The following MTF2 variants were observed in gnomAD, a reference collection of about 807,000 sequenced individuals.
The protein encoded by MTF2 is metal-response element-binding transcription factor 2.
In MTF2, 11 loss-of-function variants were observed where a neutral mutation model predicts 79.5. The ratio of observed to expected loss-of-function variants is 0.14; its 90% CI spans 0.09 to 0.23. The LOEUF is 0.23. Among genes scored for constraint, MTF2 ranks in the 10% least tolerant of loss-of-function variants. The pLI is 1.00. For synonymous variants in MTF2, 208 were observed against 232.8 expected, an observed-to-expected ratio of 0.89 and a Z score of 0.97; for missense variants, 486 against 711.2, an observed-to-expected ratio of 0.68 and a Z score of 3.60.
At chr1:93,110,181 A>T in intron 1 of MTF2, 49 bp from the exon 2 acceptor site, 1 of 1,532,188 alleles carries the variant, frequency 6.5e-7, no homozygotes, top group Non-Finnish European at 9.0e-7. Flanking sequence ...CTGGTATAAA[A>T]TAAGCTCTAC....
Position 93,137,227 on chromosome 1 carries a change from G to A in MTF2, c.*200G>A, listed in dbSNP as rs1647439584. On this transcript the variant is annotated 3_prime_UTR_variant, in exon 15 of 15. Coordinates refer to ENST00000370298, the MANE Select transcript of MTF2 (RefSeq NM_007358.4). ...ATAAAAAGGTATCTTTTAAAAATCAGAACAGAGACTTAATTTTTTAAATCT... is the reference window on the plus strand; with the variant it reads ...ATAAAAAGGTATCTTTTAAAAATCAAAACAGAGACTTAATTTTTTAAATCT... 1 of 440,248 alleles carries A rather than the reference G, an allele frequency of 2.3e-6. No individual in the cohort carries two copies. Among genetic ancestry groups the A allele is most frequent in the African/African-American group, 2.0e-5 (1 of 50,524 alleles). 27.3% of individuals were successfully genotyped at this position (440,248 alleles called of 1,614,324 possible). A position where few individuals can be genotyped will look rare whatever the true frequency, so the allele number is the denominator to read the frequency against.
At chr1:93,110,753 GT>G in intron 3 of MTF2, 127 bp downstream of exon 3, 1 of 746,048 alleles carries the variant, frequency 1.3e-6, no homozygotes, top group Non-Finnish European at 2.2e-6. Flanking sequence ...CCTAGGAGAG[GT>G]TAAAAAATCA....
rs1487382211 is a variant in MTF2 at position 93,086,460 on chromosome 1, C to G, written c.5+6929C>G. Among the ~76,000 whole-genome samples the G allele has an allele frequency of 1.4e-5, 2 of 139,394 alleles. 1 individual carries two copies. The highest frequency in any genetic ancestry group is 5.3e-5 in the African/African-American group (2 of 37,746). 91.4% of individuals were successfully genotyped at this position (139,394 alleles called of 152,430 possible). Reference sequence around the variant, plus strand: ...GCTGCAGTGAGCTGAGATTGCACCACTGCACTCCATCCTGGGTGACAGAGC... The same window carrying G: ...GCTGCAGTGAGCTGAGATTGCACCAGTGCACTCCATCCTGGGTGACAGAGC... On this transcript the variant is annotated intron_variant, in intron 1 of 14. Transcript: ENST00000370298.
At chr1:93,082,860 C>T (rs1654664631) in intron 1 of MTF2, among the ~76,000 whole-genome samples, 1 of 152,122 alleles carries the variant, frequency 6.6e-6, no homozygotes, top group Non-Finnish European at 1.5e-5. Context: ...AACAGTCAGT[C>T]CCCTTCACCT....
At chr1:93,110,691 A>G in intron 3 of MTF2, 65 bp downstream of exon 3, 2 of 1,288,080 alleles carry the variant, frequency 1.6e-6, no homozygotes, top group South Asian at 1.2e-5. Context: ...AACTTGTCAT[A>G]TTATGATGTT....
intron 14 of MTF2, among the ~76,000 whole-genome samples, chr1:93,135,676 G>A (rs1398872607): frequency 1.3e-5 from 2 of 152,158 alleles, no homozygotes; most frequent in African/African-American, 4.8e-5. Flanking sequence ...ATCTGGGCGT[G>A]GTATTGGTGT....
intron 1 of MTF2, among the ~76,000 whole-genome samples, chr1:93,094,305 A>G (rs1279532862): frequency 6.6e-6 from 1 of 152,128 alleles, no homozygotes; most frequent in African/African-American, 2.4e-5. Context: ...TAATCACCCC[A>G]GGGTCAAAAG....
rs2101020005 is a variant in MTF2 at position 93,087,771 on chromosome 1, T to C, written c.5+8240T>C. Among the ~76,000 whole-genome samples the C allele has an allele frequency of 2.0e-5, 3 of 152,296 alleles. No individual in the cohort carries two copies. In the South Asian group the frequency reaches 6.2e-4, roughly 32 times the overall value. ...ATCTAGAATAACTTTGTCTCAGAAATAGTATCACTTAACTGGGGTTTACCA... is the reference window on the plus strand; with the variant it reads ...ATCTAGAATAACTTTGTCTCAGAAACAGTATCACTTAACTGGGGTTTACCA... On this transcript the variant is annotated intron_variant, in intron 1 of 14. Transcript: ENST00000370298.
chr1:93,118,784 T>A (rs1656352970), intron 7 of MTF2, among the ~76,000 whole-genome samples: 1 of 152,192 alleles, frequency 6.6e-6, no homozygotes, highest in Admixed American at 6.5e-5. Flanking sequence ...ATACTTTAGA[T>A]ATGAAAAATT....
At position 93,079,456 on chromosome 1, in the gene MTF2, G is replaced by C; in HGVS notation, c.-71G>C. ...GCCCAGTAAGTGCTCGGACTCGCAG[G>C]GGAAGCGCCCACGGGGACGGATTGG... is the stretch of plus-strand genomic sequence containing the variant. On this transcript the variant is annotated 5_prime_UTR_variant, in exon 1 of 15. Coordinates refer to ENST00000370298, the MANE Select transcript of MTF2 (RefSeq NM_007358.4). 1 of 1,608,258 alleles carries C rather than the reference G, an allele frequency of 6.2e-7. No individual in the cohort carries two copies. The highest frequency in any genetic ancestry group is 8.5e-7 in the Non-Finnish European group (1 of 1,175,506).
chr1:93,130,853 GT>G (rs145475647), intron 11 of MTF2, among the ~76,000 whole-genome samples: 115 of 152,176 alleles, frequency 7.6e-4, no homozygotes, highest in African/African-American at 2.6e-3. Flanking sequence ...CTGGTGGGTG[GT>G]TAATCAAGAT....
intron 1 of MTF2, among the ~76,000 whole-genome samples, chr1:93,087,579 A>T (rs566466511): frequency 6.6e-6 from 1 of 151,854 alleles, no homozygotes; most frequent in Non-Finnish European, 1.5e-5. Flanking sequence ...CTCAAAAAAA[A>T]AAAAAAGCCT....
intron 10 of MTF2, among the ~76,000 whole-genome samples, chr1:93,127,853 A>G (rs1656762453): frequency 6.6e-6 from 1 of 152,098 alleles, no homozygotes; most frequent in African/African-American, 2.4e-5. Flanking sequence ...TATACTAACA[A>G]GGATTCCCTT....
chr1:93,100,067 G>A (rs1655462689), intron 1 of MTF2, among the ~76,000 whole-genome samples: 1 of 152,122 alleles, frequency 6.6e-6, no homozygotes, highest in Non-Finnish European at 1.5e-5. Context: ...ATAGCAAGAA[G>A]TCAGATTTGA....
chr1:93,133,150 A>G (rs1467822108), intron 11 of MTF2, among the ~76,000 whole-genome samples: 3 of 152,074 alleles, frequency 2.0e-5, no homozygotes, highest in Non-Finnish European at 2.9e-5. Context: ...TTTCTCCTTT[A>G]CATTCTGCCA....
At chr1:93,134,663 T>A (rs1406309736) in intron 14 of MTF2, among the ~76,000 whole-genome samples, 8 of 152,098 alleles carry the variant, frequency 5.3e-5, no homozygotes, top group Non-Finnish European at 1.2e-4. Context: ...TGGCTGGGAC[T>A]ACAGATTGTG....
At chr1:93,091,122 A>G (rs1655059798) in intron 1 of MTF2, among the ~76,000 whole-genome samples, 2 of 152,148 alleles carry the variant, frequency 1.3e-5, no homozygotes, top group Non-Finnish European at 2.9e-5. Flanking sequence ...TCTAAACCCC[A>G]TGCAGTCTGG....
At chr1:93,127,939 T>C (rs1237416326) in intron 10 of MTF2, among the ~76,000 whole-genome samples, 1 of 152,146 alleles carries the variant, frequency 6.6e-6, no homozygotes, top group African/African-American at 2.4e-5. Flanking sequence ...ATGTGTTGAC[T>C]CCAGTGAAAT....
chr1:93,135,968 C>T (rs1453099364), intron 14 of MTF2, among the ~76,000 whole-genome samples: 1 of 152,214 alleles, frequency 6.6e-6, no homozygotes, highest in Admixed American at 6.5e-5. Context: ...TACAGTATGA[C>T]TGTAGGTCTT....
Sources: gnomAD v4.1 joint callset for allele counts (sites outside exome capture counted in the v4.1 genomes callset) on GRCh38, gnomAD v4.1.1 for gene constraint, MANE v1.5 for transcripts, NCBI Gene and HGNC (gene_info 2026-07-23, HGNC 2026-07-21) for gene names.